CEP85L: variants seen among roughly 807,000 people sequenced by gnomAD.
The protein encoded by CEP85L is centrosomal protein of 85 kDa-like.
In CEP85L, 60 loss-of-function variants were observed where a neutral mutation model predicts 100.3. The observed-to-expected ratio is 0.60, with a 90% CI of 0.49 to 0.74. CEP85L has a LOEUF of 0.74. Ranked by LOEUF, CEP85L falls within the 30% of genes least tolerant of loss-of-function variation. The pLI, the probability that CEP85L is intolerant of heterozygous loss-of-function variation, is 0.00. For synonymous variants in CEP85L, 319 were observed against 322.7 expected, an observed-to-expected ratio of 0.99 and a Z score of 0.12; for missense variants, 973 against 936.2, an observed-to-expected ratio of 1.04 and a Z score of -0.51.
rs1777834618 is a variant in CEP85L, at chr6:118,540,269, T to A, written c.1021-16349A>T. ...CTTTCCTGTATCATGATAAGTTGGG[T>A]CTTATTCATTTGTGCCCTGATACTC... On this transcript the variant is annotated intron_variant, in intron 3 of 12. Coordinates refer to ENST00000368491, the MANE Select transcript of CEP85L (RefSeq NM_001042475.3). 2.0e-5 allele frequency among the ~76,000 whole-genome samples: 3 copies of A among 152,172 alleles called. No homozygotes were observed. The South Asian group carries it at 6.2e-4, about 32-fold the overall frequency.
intron 2 of CEP85L, among the ~76,000 whole-genome samples, chr6:118,613,676 G>C (rs1030509926): frequency 6.7e-6 from 1 of 149,418 alleles, no homozygotes; most frequent in African/African-American, 2.5e-5. Context: ...AGAATCGCTT[G>C]AACCCAGGAG....
intron 1 of CEP85L, among the ~76,000 whole-genome samples, chr6:118,670,381 C>T (rs954116736): frequency 1.3e-5 from 2 of 152,016 alleles, no homozygotes; most frequent in African/African-American, 4.8e-5. Context: ...ACCCTTCTTC[C>T]ACCCTCCACC....
chr6:118,469,382 C>A, intron 11 of CEP85L, 79 bp from the exon 12 acceptor site: 1 of 1,095,434 alleles, frequency 9.1e-7, no homozygotes, highest in South Asian at 1.4e-5. Context: ...TAACATTCTC[C>A]CCCAAGTCTA....
intron 1 of CEP85L, among the ~76,000 whole-genome samples, chr6:118,663,531 A>T (rs1010264363): frequency 6.6e-6 from 1 of 152,256 alleles, no homozygotes; most frequent in African/African-American, 2.4e-5. Flanking sequence ...AATCAATGAA[A>T]AAATAATCAT....
At chr6:118,466,089 G>A (rs920636135) in intron 12 of CEP85L, among the ~76,000 whole-genome samples, 3 of 152,162 alleles carry the variant, frequency 2.0e-5, no homozygotes, top group Admixed American at 2.0e-4. Context: ...GAGAGGAAGA[G>A]TGAAAGCTGG....
chr6:118,579,873 T>C (rs750374060), intron 2 of CEP85L, among the ~76,000 whole-genome samples: 49 of 152,322 alleles, frequency 3.2e-4, no homozygotes, highest in Non-Finnish European at 6.5e-4. Context: ...TGCCAGCCAT[T>C]AGAAACTGGG....
chr6:118,624,330 G>T (rs887017680), intron 2 of CEP85L, among the ~76,000 whole-genome samples: 1 of 152,054 alleles, frequency 6.6e-6, no homozygotes, highest in African/African-American at 2.4e-5. Flanking sequence ...TGTAGCTCCT[G>T]CCAGGACAAA....
intron 2 of CEP85L, among the ~76,000 whole-genome samples, chr6:118,588,204 G>A (rs1193178120): frequency 6.6e-5 from 10 of 152,208 alleles, no homozygotes; most frequent in Non-Finnish European, 8.8e-5. Flanking sequence ...GGCAGCCTGG[G>A]GAGGGCATGC....
chr6:118,534,085 G>C (rs1777448531), intron 3 of CEP85L, among the ~76,000 whole-genome samples: 1 of 151,972 alleles, frequency 6.6e-6, no homozygotes, highest in Admixed American at 6.5e-5. Context: ...CTGGAGAACA[G>C]AGTGAGACTC....
chr6:118,648,758 AC>A (rs1775366801), intron 1 of CEP85L, among the ~76,000 whole-genome samples: 1 of 151,354 alleles, frequency 6.6e-6, no homozygotes, highest in African/African-American at 2.4e-5. Flanking sequence ...AAAAAAAAAA[AC>A]TAAAGTGGTT....
chr6:118,686,692 CTT>C (rs1776844570), intron 1 of CEP85L, among the ~76,000 whole-genome samples: 1 of 152,282 alleles, frequency 6.6e-6, no homozygotes, highest in South Asian at 2.1e-4. Flanking sequence ...GTGTTGAGGT[CTT>C]TGTGTGGACA....
chr6:118,697,348 C>A (rs1357829088), intron 1 of CEP85L, among the ~76,000 whole-genome samples: 1 of 152,200 alleles, frequency 6.6e-6, no homozygotes, highest in African/African-American at 2.4e-5. Context: ...ACACTTGTCA[C>A]CAGTCCTCTG....
At chr6:118,611,526 TA>T (rs1299054604) in intron 2 of CEP85L, among the ~76,000 whole-genome samples, 1 of 152,170 alleles carries the variant, frequency 6.6e-6, no homozygotes, top group Non-Finnish European at 1.5e-5. Flanking sequence ...ACATTAAATG[TA>T]AATGGTCTAA....
chr6:118,646,959 T>C (rs928991257), intron 1 of CEP85L: 2 of 985,264 alleles, frequency 2.0e-6, no homozygotes, highest in African/African-American at 1.7e-5. Context: ...AGCCAGGAAG[T>C]GATCAAATTC....
At chr6:118,654,469 T>C (rs574747746), upstream of CEP85L, among the ~76,000 whole-genome samples, 3 of 152,314 alleles carry the variant, frequency 2.0e-5, no homozygotes, top group East Asian at 3.9e-4. Flanking sequence ...GAAAGAGATT[T>C]ATGAATGAAT....
At chr6:118,509,842 T>G (rs1317992710) in intron 5 of CEP85L, among the ~76,000 whole-genome samples, 3 of 151,950 alleles carry the variant, frequency 2.0e-5, no homozygotes, top group Admixed American at 6.6e-5. Context: ...TGCAAACAAG[T>G]TTTAAAGGAA....
upstream of CEP85L, among the ~76,000 whole-genome samples, chr6:118,653,515 A>G (rs900748801): frequency 1.3e-5 from 2 of 152,222 alleles, no homozygotes; most frequent in African/African-American, 4.8e-5. Flanking sequence ...TGATACAGCC[A>G]TGGTTTTCAG....
At chr6:118,642,136 A>G (rs1483117059) in intron 1 of CEP85L, among the ~76,000 whole-genome samples, 3 of 152,248 alleles carry the variant, frequency 2.0e-5, no homozygotes, top group East Asian at 1.9e-4. Context: ...ACATTTTAAA[A>G]TTGATAAAGT....
chr6:118,577,373 C>CAA (rs1231966231), intron 2 of CEP85L, among the ~76,000 whole-genome samples: 5 of 152,104 alleles, frequency 3.3e-5, no homozygotes, highest in Admixed American at 2.6e-4. Flanking sequence ...ATCAACTAAG[C>CAA]AAAAAGGACA....
Sources: allele counts gnomAD v4.1 joint callset (sites outside exome capture counted in the v4.1 genomes callset), GRCh38; gene constraint gnomAD v4.1.1; transcripts MANE v1.5; gene names NCBI Gene and HGNC (gene_info 2026-07-23, HGNC 2026-07-21).